The following YEATS2 variants were observed in gnomAD, a reference collection of about 807,000 sequenced individuals.
The protein encoded by YEATS2 is YEATS domain containing 2, also known as YEATS domain-containing protein 2.
A neutral mutation model predicts 163.2 loss-of-function variants in YEATS2; 77 were observed. The observed-to-expected ratio is 0.47, with a 90% CI of 0.39 to 0.57. The LOEUF is 0.57. Among genes scored for constraint, YEATS2 ranks in the 20% least tolerant of loss-of-function variants. YEATS2 has a pLI of 0.00. For synonymous variants in YEATS2, 631 were observed against 645.1 expected (o/e 0.98, Z 0.33); for missense variants, 1,549 against 1,729.8 (o/e 0.90, Z 1.85).
At chr3:183,734,655 A>G (rs540810875) in intron 7 of YEATS2, among the ~76,000 whole-genome samples, 31 of 152,330 alleles carry the variant, frequency 2.0e-4, no homozygotes, top group Middle Eastern at 3.4e-3. Context: ...AGGAGGTAGA[A>G]GAAGTCATTT....
intron 15 of YEATS2, among the ~76,000 whole-genome samples, chr3:183,770,916 G>A (rs1205049835): frequency 2.6e-5 from 4 of 152,100 alleles, no homozygotes; most frequent in African/African-American, 7.2e-5. Flanking sequence ...ATCTGTAGAC[G>A]TTAAGAATGT....
chr3:183,754,491 A>T (rs1720512772), intron 11 of YEATS2, 126 bp downstream of exon 11: 4 of 1,322,060 alleles, frequency 3.0e-6, no homozygotes, highest in Non-Finnish European at 4.0e-6. Context: ...GTTTAACAAA[A>T]GGAAGTTTAT....
At chr3:183,703,047 A>G (rs1376303633) in intron 1 of YEATS2, among the ~76,000 whole-genome samples, 2 of 152,098 alleles carry the variant, frequency 1.3e-5, no homozygotes, top group Non-Finnish European at 2.9e-5. Context: ...CGTTTTATTT[A>G]TAGGAAAGTT....
chr3:183,740,128 G>A (rs1382241289), intron 8 of YEATS2, among the ~76,000 whole-genome samples: 1 of 144,854 alleles, frequency 6.9e-6, no homozygotes, highest in East Asian at 2.1e-4. Flanking sequence ...AAACTAAAGA[G>A]CTTCTGCACA....
At chr3:183,707,686 T>C (rs1219262412) in intron 1 of YEATS2, among the ~76,000 whole-genome samples, 1 of 147,810 alleles carries the variant, frequency 6.8e-6, no homozygotes, top group African/African-American at 2.5e-5. Flanking sequence ...CTATTTTTTT[T>C]TTTTTTTTTT....
In YEATS2 at chr3:183,793,828, G is replaced by A. The variant is rs1577206870; in HGVS notation, c.3097+2848G>A. ...GGGTTTCACCATGTTGACCAGGCTG[G>A]TCTCAAACTCCCAACCTCAGGTGAT... On this transcript the variant is annotated intron_variant, in intron 21 of 30. Transcript: ENST00000305135. Among the ~76,000 whole-genome samples the A allele has an allele frequency of 2.0e-5, 3 of 152,024 alleles. No homozygotes were observed. The South Asian group carries it at 6.2e-4, about 32-fold the overall frequency.
intron 1 of YEATS2, among the ~76,000 whole-genome samples, chr3:183,700,351 C>T (rs541353142): frequency 6.6e-6 from 1 of 152,006 alleles, no homozygotes; most frequent in Non-Finnish European, 1.5e-5. Flanking sequence ...ATGTACATTA[C>T]CCTGTATTTT....
At chr3:183,768,822 A>G (rs1440302689) in intron 15 of YEATS2, among the ~76,000 whole-genome samples, 1 of 152,162 alleles carries the variant, frequency 6.6e-6, no homozygotes, top group African/African-American at 2.4e-5. Context: ...AAAATACAAA[A>G]TTAGCCAGGT....
rs569250141 is a variant in YEATS2, at chr3:183,778,111, CAAAAAAAAA to C, written c.2736+420_2736+428del. ...TGGGCGACAGAGCAAGATTCTGTCTCAAAAAAAAAAAAAAAAAGAAAAAAAAAGAAAAAA... is the reference window on the plus strand; with the variant it reads ...TGGGCGACAGAGCAAGATTCTGTCTCAAAAAAAAGAAAAAAAAAGAAAAAA... On this transcript the variant is annotated intron_variant, in intron 19 of 30. Transcript: ENST00000305135. Among the ~76,000 whole-genome samples, 7 of 56,408 alleles carry C rather than the reference CAAAAAAAAA, an allele frequency of 1.2e-4. No individual in the cohort carries two copies. In the South Asian group the frequency reaches 2.4e-3, roughly 20 times the overall value. 37.0% of individuals were successfully genotyped at this position (56,408 alleles called of 152,430 possible).
intron 8 of YEATS2, 124 bp from the exon 9 acceptor site, chr3:183,747,547 AT>A: frequency 1.8e-6 from 1 of 550,212 alleles, no homozygotes; most frequent in Admixed American, 3.4e-5. Flanking sequence ...TATATTTTAC[AT>A]TATGAAAAAG....
intron 8 of YEATS2, among the ~76,000 whole-genome samples, chr3:183,741,825 A>G (rs1261185962): frequency 6.6e-6 from 1 of 152,078 alleles, no homozygotes; most frequent in Non-Finnish European, 1.5e-5. Flanking sequence ...AAGGAGATTA[A>G]TGTTGTATTC....
intron 9 of YEATS2, among the ~76,000 whole-genome samples, chr3:183,750,415 C>T (rs921097772): frequency 6.6e-6 from 1 of 152,194 alleles, no homozygotes; most frequent in African/African-American, 2.4e-5. Context: ...CTATTCAAAT[C>T]CTTGCTTTCA....
Position 183,761,435 on chromosome 3 carries a change from A to G in YEATS2, c.1657-72A>G, listed in dbSNP as rs1462745964. On this transcript the variant is annotated intron_variant, in intron 13 of 30. Transcript: ENST00000305135. ...CTAGAGAATGTCACAGGTTTGTATT[A>G]AATATAAGTGACTAGATATCTGAAA... is the stretch of plus-strand genomic sequence containing the variant. The G allele has an allele frequency of 2.2e-6, 3 of 1,339,164 alleles. No individual in the cohort carries two copies. The East Asian group carries it at 6.9e-5, about 31-fold the overall frequency. 83.0% of individuals were successfully genotyped at this position (1,339,164 alleles called of 1,614,324 possible). A position where few individuals can be genotyped will look rare whatever the true frequency, so the allele number is the denominator to read the frequency against.
chr3:183,812,354 A>G lies in YEATS2; in HGVS notation c.*1771A>G, dbSNP rs1290899216. ...AGTATATAAGGCTCAAATAGTCTAT[A>G]CCTGAACTGCTATAAGCAAGGTCGA... On this transcript the variant is annotated 3_prime_UTR_variant, in exon 31 of 31. Coordinates refer to ENST00000305135, the MANE Select transcript of YEATS2 (RefSeq NM_018023.5). 1 of 152,276 alleles carries G rather than the reference A, an allele frequency of 6.6e-6. No individual in the cohort carries two copies. Among genetic ancestry groups the G allele is most frequent in the African/African-American group, 2.4e-5 (1 of 41,434 alleles). 9.4% of individuals were successfully genotyped at this position (152,276 alleles called of 1,614,324 possible).
At chr3:183,798,457 G>A (rs1725365404) in intron 22 of YEATS2, among the ~76,000 whole-genome samples, 1 of 152,132 alleles carries the variant, frequency 6.6e-6, no homozygotes, top group Non-Finnish European at 1.5e-5. Flanking sequence ...GGGTTCAAGC[G>A]ATTCGCATGC....
chr3:183,713,148 C>T (rs1237222540), intron 1 of YEATS2, among the ~76,000 whole-genome samples: 5 of 152,096 alleles, frequency 3.3e-5, no homozygotes, highest in Non-Finnish European at 5.9e-5. Context: ...AAAAATATAA[C>T]GTAAAATCTA....
At chr3:183,703,708 AATATT>A (rs1343558124) in intron 1 of YEATS2, among the ~76,000 whole-genome samples, 1 of 152,146 alleles carries the variant, frequency 6.6e-6, no homozygotes, top group African/African-American at 2.4e-5. Flanking sequence ...TTCTCAGTAT[AATATT>A]AAAATGGATA....
chr3:183,806,344 G>C (rs768147733), intron 27 of YEATS2: 7 of 456,394 alleles, frequency 1.5e-5, no homozygotes, highest in Non-Finnish European at 2.6e-5. Context: ...CACTCATCCA[G>C]AAAGTGGAAG....
intron 1 of YEATS2, among the ~76,000 whole-genome samples, chr3:183,712,599 CAG>C (rs1224023550): frequency 2.6e-5 from 4 of 152,058 alleles, no homozygotes; most frequent in African/African-American, 9.7e-5. Context: ...ATTTGGAAAT[CAG>C]AGAGCTATTC....
Sources: gnomAD v4.1 joint callset for allele counts (sites outside exome capture counted in the v4.1 genomes callset) on GRCh38, gnomAD v4.1.1 for gene constraint, MANE v1.5 for transcripts, NCBI Gene and HGNC (gene_info 2026-07-23, HGNC 2026-07-21) for gene names.